Variants in NLGN1 observed in about 807,000 individuals in gnomAD.
NLGN1 encodes neuroligin 1, also known as neuroligin-1.
NLGN1 carries 12 observed loss-of-function variants against 65.5 expected under a neutral mutation model. The observed-to-expected ratio is 0.18, with a 90% CI of 0.12 to 0.30. The LOEUF (loss-of-function observed/expected upper bound fraction) is 0.30. NLGN1 is among the 10% of genes least tolerant of loss of function. NLGN1 has a pLI of 1.00. For missense variants in NLGN1, 750 were observed against 1,007.1 expected (o/e 0.74, Z 3.46); for synonymous variants, 350 against 359.5 (o/e 0.97, Z 0.30).
chr3:174,009,534 A>G (rs1725100486), intron 4 of NLGN1, among the ~76,000 whole-genome samples: 1 of 152,148 alleles, frequency 6.6e-6, no homozygotes, highest in Admixed American at 6.6e-5. Context: ...CCCTGTGCCA[A>G]GTTCACTCAG....
intron 4 of NLGN1, among the ~76,000 whole-genome samples, chr3:174,147,017 T>G (rs1451883153): frequency 1.3e-5 from 2 of 152,192 alleles, no homozygotes; most frequent in Admixed American, 1.3e-4. Flanking sequence ...TAAAACATCT[T>G]TTGAAGCAGA....
chr3:173,929,281 T>C (rs1441782526), intron 4 of NLGN1, among the ~76,000 whole-genome samples: 1 of 152,182 alleles, frequency 6.6e-6, no homozygotes, highest in East Asian at 1.9e-4. Context: ...TGCAGGATGA[T>C]CAGCTATCTT....
At chr3:173,586,075 A>G (rs1747391206) in intron 2 of NLGN1, among the ~76,000 whole-genome samples, 1 of 152,200 alleles carries the variant, frequency 6.6e-6, no homozygotes, top group African/African-American at 2.4e-5. Flanking sequence ...AGGGATGTAT[A>G]TAAATGTGTT....
intron 2 of NLGN1, among the ~76,000 whole-genome samples, chr3:173,593,451 T>A (rs989121328): frequency 6.6e-6 from 1 of 152,202 alleles, no homozygotes; most frequent in African/African-American, 2.4e-5. Context: ...AGATGGAAAC[T>A]GAGATTACAA....
intron 3 of NLGN1, among the ~76,000 whole-genome samples, chr3:173,691,131 G>A (rs1273716443): frequency 6.6e-6 from 1 of 152,114 alleles, no homozygotes; most frequent in African/African-American, 2.4e-5. Context: ...GCTTCTAAGA[G>A]GGGGAACTTG....
At chr3:173,628,411 A>G (rs1755137806) in intron 3 of NLGN1, among the ~76,000 whole-genome samples, 1 of 152,138 alleles carries the variant, frequency 6.6e-6, no homozygotes, top group South Asian at 2.1e-4. Context: ...AAGCATCCAC[A>G]TGTGCAGAGG....
intron 2 of NLGN1, among the ~76,000 whole-genome samples, chr3:173,540,175 G>T (rs1738601421): frequency 6.6e-6 from 1 of 152,066 alleles, no homozygotes; most frequent in South Asian, 2.1e-4. Flanking sequence ...AAAGGCCTGT[G>T]CTGAGATTCC....
At chr3:173,773,233 G>A (rs1054658836) in intron 3 of NLGN1, among the ~76,000 whole-genome samples, 2 of 152,172 alleles carry the variant, frequency 1.3e-5, no homozygotes, top group East Asian at 3.9e-4. Context: ...ATACCAGACT[G>A]GAAGTGAGGT....
At chr3:173,451,733 G>A (rs1006035666) in intron 2 of NLGN1, among the ~76,000 whole-genome samples, 3 of 152,204 alleles carry the variant, frequency 2.0e-5, no homozygotes, top group Non-Finnish European at 2.9e-5. Context: ...TGGCCACTCT[G>A]TTTACCTACT....
At chr3:174,206,614 T>C (rs1370601060) in intron 4 of NLGN1, among the ~76,000 whole-genome samples, 2 of 152,202 alleles carry the variant, frequency 1.3e-5, no homozygotes, top group East Asian at 3.9e-4. Context: ...CTATAGAAGT[T>C]ACCTCTCAGA....
At position 173,788,135 on chromosome 3, in the gene NLGN1, T is replaced by C. The variant is rs371973355; in HGVS notation, c.494-19545T>C. Among the ~76,000 whole-genome samples the C allele has an allele frequency of 6.5e-4, 98 of 150,206 alleles. 2 individuals carry two copies. The South Asian group carries it at 0.019, about 29-fold the overall frequency. On this transcript the variant is annotated intron_variant, in intron 3 of 6. Transcript: ENST00000457714. ...GTATTATTACAATGGAAATAAAGAG[T>C]TCTGTGACATTTTACCTTTAAATTT...
chr3:173,403,973 G>A (rs569329289), intron 1 of NLGN1, among the ~76,000 whole-genome samples: 2 of 152,216 alleles, frequency 1.3e-5, no homozygotes, highest in African/African-American at 2.4e-5. Context: ...GGAGCAATAG[G>A]TACAATATGG....
At chr3:173,615,901 T>C (rs896239631) in intron 3 of NLGN1, among the ~76,000 whole-genome samples, 4 of 152,088 alleles carry the variant, frequency 2.6e-5, no homozygotes, top group Non-Finnish European at 5.9e-5. Flanking sequence ...TTCTCACTTT[T>C]GTTGGAAGTC....
At chr3:173,660,060 GA>G (rs1411432482) in intron 3 of NLGN1, among the ~76,000 whole-genome samples, 1 of 151,608 alleles carries the variant, frequency 6.6e-6, no homozygotes, top group African/African-American at 2.4e-5. Flanking sequence ...AGGACATAGT[GA>G]GAGAAAATGT....
chr3:173,514,517 T>G (rs1383637889), intron 2 of NLGN1, among the ~76,000 whole-genome samples: 1 of 151,952 alleles, frequency 6.6e-6, no homozygotes, highest in East Asian at 1.9e-4. Flanking sequence ...GTAAAACCAC[T>G]TAGCATCAGA....
chr3:174,278,047 C>T (rs964607891), intron 5 of NLGN1, among the ~76,000 whole-genome samples: 7 of 151,902 alleles, frequency 4.6e-5, no homozygotes, highest in Non-Finnish European at 8.8e-5. Flanking sequence ...GCATATGGAA[C>T]CATCATTTAC....
chr3:173,620,421 C>T lies in NLGN1; in HGVS notation c.493+15330C>T, dbSNP rs146282177. Among the ~76,000 whole-genome samples, 39 of 152,234 alleles carry T rather than the reference C, an allele frequency of 2.6e-4. No individual in the cohort carries two copies. In the East Asian group the frequency reaches 3.5e-3, roughly 14 times the overall value. On this transcript the variant is annotated intron_variant, in intron 3 of 6. Transcript: ENST00000457714. ...CTTCCTCCTTGACCTGATGTCCTTA[C>T]TTCCCCTAACCAGCCTTGTCTAATG...
chr3:173,671,263 G>A (rs114380178), intron 3 of NLGN1, among the ~76,000 whole-genome samples: 4,261 of 152,216 alleles, frequency 0.028, 89 homozygotes, highest in Middle Eastern at 0.044. Flanking sequence ...ACTTTGTGAG[G>A]CCCAGGACCA....
Position 173,860,602 on chromosome 3 carries a change from T to TTAAAAGAGCGAAGAAA in NLGN1, c.646+52772_646+52787dup, listed in dbSNP as rs1553873894. Reference sequence around the variant, plus strand: ...CATCAGTAAATTAGTTAAAATACGTTTAAAAGAGCGAAGAAATTGCCCTTG... The same window carrying TTAAAAGAGCGAAGAAA: ...CATCAGTAAATTAGTTAAAATACGTTTAAAAGAGCGAAGAAATAAAAGAGCGAAGAAATTGCCCTTG... On this transcript the variant is annotated intron_variant, in intron 4 of 6. Coordinates refer to ENST00000457714, the Ensembl canonical transcript of NLGN1. Among the ~76,000 whole-genome samples, 12 of 152,276 alleles carry TTAAAAGAGCGAAGAAA rather than the reference T, an allele frequency of 7.9e-5. No homozygotes were observed. The East Asian group carries it at 2.3e-3, about 29-fold the overall frequency.
Sources: allele counts gnomAD v4.1 joint callset (sites outside exome capture counted in the v4.1 genomes callset), GRCh38; gene constraint gnomAD v4.1.1; transcripts MANE v1.5; gene names NCBI Gene and HGNC (gene_info 2026-07-23, HGNC 2026-07-21).